The following SLC24A2 variants were observed in gnomAD, a reference collection of about 807,000 sequenced individuals.
SLC24A2 encodes the protein sodium/potassium/calcium exchanger 2.
Under a neutral mutation model 62.0 loss-of-function variants are expected in SLC24A2, and 36 were observed. The ratio of observed to expected loss-of-function variants is 0.58; its 90% CI spans 0.44 to 0.77. The LOEUF (loss-of-function observed/expected upper bound fraction) is 0.77, where lower values mean the gene tolerates loss of function less well. Among genes scored for constraint, SLC24A2 ranks in the 30% least tolerant of loss-of-function variants. The probability of loss-of-function intolerance (pLI) is 0.00; values close to 1 mark genes in which losing one functional copy is unlikely to be tolerated. For missense variants in SLC24A2, 846 were observed against 817.9 expected (o/e 1.03, Z -0.42); for synonymous variants, 358 against 294.0 (o/e 1.22, Z -2.23).
At chr9:20,041,208 G>GAT in the SLC24A2 span, among the ~76,000 whole-genome samples, 1 of 150,552 alleles carries the variant, frequency 6.6e-6, no homozygotes, top group Admixed American at 6.6e-5. Flanking sequence ...AAGAAAGAGA[G>GAT]ATAGGGAGGT....
chr9:20,072,745 C>A, the SLC24A2 span, among the ~76,000 whole-genome samples: 6 of 151,768 alleles, frequency 4.0e-5, no homozygotes, highest in African/African-American at 1.5e-4. Context: ...GAGTCCCACC[C>A]TTTGAAGATA....
the SLC24A2 span, among the ~76,000 whole-genome samples, chr9:19,858,218 A>G: frequency 1.3e-5 from 2 of 152,118 alleles, no homozygotes; most frequent in South Asian, 2.1e-4. Flanking sequence ...ACAGCCATCT[A>G]ATCTTTGACA....
the SLC24A2 span, among the ~76,000 whole-genome samples, chr9:19,952,969 G>A: frequency 6.6e-6 from 1 of 151,318 alleles, no homozygotes; most frequent in African/African-American, 2.4e-5. Context: ...TTTCTTCTTG[G>A]GTCAGTTTTT....
intron 2 of SLC24A2, among the ~76,000 whole-genome samples, chr9:19,683,180 G>C (rs1819772606): frequency 6.6e-6 from 1 of 152,184 alleles, no homozygotes; most frequent in Non-Finnish European, 1.5e-5. Flanking sequence ...CTGTATGCTA[G>C]ACGCTGTAAG....
chr9:19,785,985 T>C lies in SLC24A2; in HGVS notation c.882A>G (p.Ile294Met), dbSNP rs1305134018. The C allele has an allele frequency of 6.2e-7, 1 of 1,614,220 alleles. No individual in the cohort carries two copies. Among genetic ancestry groups the C allele is most frequent in the South Asian group, 1.1e-5 (1 of 91,086 alleles). The change falls in exon 2 of 11, where the codon ATA (isoleucine) becomes ATG (methionine). Residue 294 changes from isoleucine (I) to methionine (M), a missense_variant. Coordinates refer to ENST00000341998, the MANE Select transcript of SLC24A2 (RefSeq NM_020344.4). ...TCACCTTGACGACCTTATTGCGGTT[T>C]ATCATTTGCTTCACCCATTTTTCTA... ...VQVEKWVKQMINRNKVVKVTA... is the reference protein window; with the variant it reads ...VQVEKWVKQMMNRNKVVKVTA...
At chr9:20,258,331 G>A in the SLC24A2 span, among the ~76,000 whole-genome samples, 1 of 152,224 alleles carries the variant, frequency 6.6e-6, no homozygotes, top group African/African-American at 2.4e-5. Flanking sequence ...GAGAAACACA[G>A]GTGGTTTGGC....
chr9:19,525,038 G>A (rs117241544), intron 9 of SLC24A2, among the ~76,000 whole-genome samples: 1,530 of 152,286 alleles, frequency 0.01, 17 homozygotes, highest in Non-Finnish European at 0.011. Context: ...TCTGGAGGCT[G>A]AAAACCAGCC....
rs1019027373 is a variant in SLC24A2 at position 19,516,252 on chromosome 9, G to A, written c.1887C>T (p.Asn629=). 6.2e-6 allele frequency: 10 copies of A among 1,614,180 alleles called. No individual in the cohort carries two copies. Among genetic ancestry groups the A allele is most frequent in the African/African-American group, 5.3e-5 (4 of 75,040 alleles). Residue 629 remains asparagine (N), a synonymous_variant, in exon 11 of 11, where the codon AAC becomes AAT. Transcript: ENST00000341998. The stretch of plus-strand genomic sequence containing the variant: ...CAAACATGATGAAGCCCAGGATTTT[G>A]TTCATTCGCCACTTGCAGAGGGCGA... ...LSIALCKWRM[N]KILGFIMFGL...
the SLC24A2 span, among the ~76,000 whole-genome samples, chr9:20,042,377 A>G: frequency 6.6e-6 from 1 of 152,240 alleles, no homozygotes; most frequent in East Asian, 1.9e-4. Context: ...TTTCATTTGC[A>G]TAAGGACATC....
chr9:20,258,918 C>T, the SLC24A2 span, among the ~76,000 whole-genome samples: 1 of 151,806 alleles, frequency 6.6e-6, no homozygotes, highest in East Asian at 1.9e-4. Flanking sequence ...TTGTGTCTCT[C>T]TGGAAAGCCC....
the SLC24A2 span, among the ~76,000 whole-genome samples, chr9:20,028,868 G>T: frequency 1.3e-5 from 2 of 152,166 alleles, no homozygotes; most frequent in South Asian, 4.1e-4. Flanking sequence ...CAACCTGGCA[G>T]TACTTCTAAG....
chr9:20,116,434 T>A, the SLC24A2 span, among the ~76,000 whole-genome samples: 1 of 152,102 alleles, frequency 6.6e-6, no homozygotes, highest in Non-Finnish European at 1.5e-5. Context: ...CAAGACCAGG[T>A]CCTATGTTTC....
chr9:20,117,691 G>T, the SLC24A2 span, among the ~76,000 whole-genome samples: 3 of 152,054 alleles, frequency 2.0e-5, no homozygotes, highest in African/African-American at 4.8e-5. Flanking sequence ...CCTAGTAAAC[G>T]GTGCCAGGTC....
At chr9:20,235,815 G>C in the SLC24A2 span, among the ~76,000 whole-genome samples, 1 of 152,314 alleles carries the variant, frequency 6.6e-6, no homozygotes, top group Non-Finnish European at 1.5e-5. Context: ...CCCATCTTCT[G>C]TGTCGCTCAC....
At chr9:19,619,763 A>C in intron 3 of SLC24A2, 71 bp from the exon 4 acceptor site, 13 of 1,156,364 alleles carry the variant, frequency 1.1e-5, no homozygotes, top group East Asian at 2.3e-5. Context: ...CAAGATCCTC[A>C]CCTAGTCTGG....
At chr9:20,272,435 C>T in the SLC24A2 span, among the ~76,000 whole-genome samples, 4 of 152,164 alleles carry the variant, frequency 2.6e-5, no homozygotes, top group Admixed American at 6.6e-5. Context: ...TTTATTCCAA[C>T]TCCACAAATG....
chr9:19,524,628 C>A (rs1044482564), intron 9 of SLC24A2, among the ~76,000 whole-genome samples: 1 of 152,146 alleles, frequency 6.6e-6, no homozygotes, highest in Admixed American at 6.5e-5. Context: ...GGAACAGAAT[C>A]TATTTTGTTC....
At chr9:19,547,735 G>C (rs776005106) in intron 8 of SLC24A2, among the ~76,000 whole-genome samples, 1 of 151,548 alleles carries the variant, frequency 6.6e-6, no homozygotes, top group East Asian at 1.9e-4. Context: ...CACCACATGA[G>C]GCCCCTTTTG....
the SLC24A2 span, among the ~76,000 whole-genome samples, chr9:20,200,619 A>G: frequency 6.6e-6 from 1 of 152,252 alleles, no homozygotes; most frequent in Admixed American, 6.5e-5. Context: ...CAACAAAAAT[A>G]CAAACATGGG....
Sources: allele counts gnomAD v4.1 joint callset (sites outside exome capture counted in the v4.1 genomes callset), GRCh38; gene constraint gnomAD v4.1.1; transcripts MANE v1.5; gene names NCBI Gene and HGNC (gene_info 2026-07-23, HGNC 2026-07-21).